Variants in TOP1MT observed in about 807,000 individuals in gnomAD.
TOP1MT encodes DNA topoisomerase I, mitochondrial.
In TOP1MT, 80 loss-of-function variants were observed where a neutral mutation model predicts 73.9. That is an observed-to-expected ratio of 1.08 (90% CI 0.90 to 1.30). The LOEUF is 1.30. Ranked by LOEUF, TOP1MT falls within the 50% of genes most tolerant of loss-of-function variation. TOP1MT has a pLI of 0.00. For missense variants in TOP1MT, 815 were observed against 808.0 expected, an observed-to-expected ratio of 1.01 and a Z score of -0.10; for synonymous variants, 338 against 326.4, an observed-to-expected ratio of 1.04 and a Z score of -0.38.
intron 1 of TOP1MT, 119 bp downstream of exon 1, chr8:143,334,618 CCGA>C: frequency 1.4e-6 from 2 of 1,432,286 alleles, no homozygotes; most frequent in East Asian, 5.5e-5. Flanking sequence ...CTCTCCTGGC[CCGA>C]CTTTTGGGAA....
At chr8:143,359,132 G>C, upstream of TOP1MT, 5 of 780,418 alleles carry the variant, frequency 6.4e-6, no homozygotes, top group Non-Finnish European at 7.8e-6. Context: ...GTGAGCCACC[G>C]CACCGGCCCT....
At chr8:143,335,864 A>C (rs1816973707), upstream of TOP1MT, among the ~76,000 whole-genome samples, 1 of 152,226 alleles carries the variant, frequency 6.6e-6, no homozygotes, top group Admixed American at 6.5e-5. Flanking sequence ...TAGCTGCTGG[A>C]AGCCATGGGC....
intron 3 of TOP1MT, 134 bp from the exon 4 acceptor site, chr8:143,326,478 C>T (rs991177387): frequency 1.8e-5 from 21 of 1,189,766 alleles, no homozygotes; most frequent in Admixed American, 1.4e-4. Flanking sequence ...GCAGAACCTG[C>T]GCACGGTCCT....
At chr8:143,351,579 CAA>C (rs35498119) in intron 1 of TOP1MT, among the ~76,000 whole-genome samples, 10 of 91,476 alleles carry the variant, frequency 1.1e-4, no homozygotes, top group African/African-American at 1.3e-4. Flanking sequence ...GACCCAGTCT[CAA>C]AAAAAAAAAA....
At chr8:143,332,670 G>T in intron 1 of TOP1MT, 1 of 844,436 alleles carries the variant, frequency 1.2e-6, no homozygotes, top group Non-Finnish European at 1.7e-6. Context: ...GCAGAGGAGG[G>T]AATGGGCAAG....
chr8:143,342,741 CGCTCTGTT>C (rs1817144627), intron 2 of TOP1MT, among the ~76,000 whole-genome samples: 1 of 92,154 alleles, frequency 1.1e-5, no homozygotes, highest in Non-Finnish European at 2.5e-5. Flanking sequence ...GACAGAGTCT[CGCTCTGTT>C]ATTATTATTA....
chr8:143,314,040 G>A (rs1199199855), intron 12 of TOP1MT, among the ~76,000 whole-genome samples: 1 of 152,148 alleles, frequency 6.6e-6, no homozygotes, highest in Non-Finnish European at 1.5e-5. Context: ...CCCACGGCCA[G>A]ACGCTCCTTC....
rs187611772 is a variant in TOP1MT, at chr8:143,353,825, G to A, written c.-39+2140C>T. 3.8e-3 allele frequency among the ~76,000 whole-genome samples: 569 copies of A among 151,722 alleles called. 1 individual carries two copies. The highest frequency in any genetic ancestry group is 7.7e-3 in the African/African-American group (317 of 41,298). On this transcript the variant is annotated intron_variant, in intron 1 of 5. Coordinates refer to the TOP1MT transcript ENST00000518760. The stretch of plus-strand genomic sequence containing the variant: ...CTAAAAATACAAAAATTAGCCAGGC[G>A]TGGTGGCGGGTGCCTGTAATCCCAG...
At chr8:143,312,049 C>A (rs985394739) in intron 12 of TOP1MT, among the ~76,000 whole-genome samples, 27 of 152,264 alleles carry the variant, frequency 1.8e-4, no homozygotes, top group African/African-American at 5.8e-4. Flanking sequence ...CTGACCCTAG[C>A]CAGGCAGTGC....
intron 10 of TOP1MT, 50 bp downstream of exon 10, chr8:143,317,673 G>T: frequency 6.9e-7 from 1 of 1,446,938 alleles, no homozygotes; most frequent in Non-Finnish European, 9.3e-7. Flanking sequence ...CCGGTCTGGG[G>T]CAGGGGCCGT....
chr8:143,346,066 C>T (rs138501085), upstream of TOP1MT, among the ~76,000 whole-genome samples: 16 of 152,334 alleles, frequency 1.1e-4, no homozygotes, highest in African/African-American at 3.1e-4. Context: ...TCAACGAGTA[C>T]AGTTTATCAC....
At chr8:143,324,403 G>A (rs1247329148) in intron 6 of TOP1MT, 82 bp downstream of exon 6, 6 of 1,593,050 alleles carry the variant, frequency 3.8e-6, no homozygotes, top group Non-Finnish European at 5.1e-6. Context: ...GCCTCTGCCG[G>A]TGCCCGGCTT....
intron 8 of TOP1MT, 23 bp downstream of exon 8, chr8:143,321,178 G>C (rs749224665): frequency 2.2e-5 from 34 of 1,555,534 alleles, no homozygotes; most frequent in Non-Finnish European, 2.9e-5. Context: ...CATAGCGGGG[G>C]CAGCTGGCGC....
chr8:143,315,592 G>C, intron 12 of TOP1MT, 135 bp downstream of exon 12: 1 of 659,406 alleles, frequency 1.5e-6, no homozygotes. Flanking sequence ...TCTTTGTCTT[G>C]TGTCTTTATT....
rs923910149 is a variant in TOP1MT at position 143,341,132 on chromosome 8, C to T, written c.29+2088G>A. Among the ~76,000 whole-genome samples the T allele has an allele frequency of 4.6e-5, 7 of 152,336 alleles. No homozygotes were observed. The highest frequency in any genetic ancestry group is 8.8e-5 in the Non-Finnish European group (6 of 68,024). ...GTCTCAGGCTTGCCCCTAGCGTCCC[C>T]GCCACCCTCTTCTCGTGCTGCCGCC... On this transcript the variant is annotated intron_variant, in intron 2 of 5. Coordinates refer to the TOP1MT transcript ENST00000518007. The surrounding 1 kb of genome is among the most constrained non-coding windows in gnomAD (Gnocchi z 4.1).
At chr8:143,322,496 C>CCA in intron 7 of TOP1MT, among the ~76,000 whole-genome samples, 1 of 128,426 alleles carries the variant, frequency 7.8e-6, no homozygotes, top group Non-Finnish European at 1.6e-5. Flanking sequence ...CACACGCACG[C>CCA]CACACACACA....
intron 6 of TOP1MT, 137 bp downstream of exon 6, chr8:143,324,348 G>T: frequency 7.1e-7 from 1 of 1,402,326 alleles, no homozygotes; most frequent in Non-Finnish European, 9.7e-7. Context: ...TGCTGGCACA[G>T]CATGACCTCA....
chr8:143,334,713 C>A, intron 1 of TOP1MT, 27 bp downstream of exon 1: 1 of 1,597,668 alleles, frequency 6.3e-7, no homozygotes. Flanking sequence ...TCAGGGCCCT[C>A]GCCGCCTGCT....
intron 8 of TOP1MT, among the ~76,000 whole-genome samples, chr8:143,320,456 C>T (rs1209597485): frequency 6.6e-6 from 1 of 152,146 alleles, no homozygotes; most frequent in Non-Finnish European, 1.5e-5. Context: ...ATTTCAGAGA[C>T]AGGGTCTCAT....
Sources: allele counts gnomAD v4.1 joint callset (sites outside exome capture counted in the v4.1 genomes callset), GRCh38; gene constraint gnomAD v4.1.1; non-coding constraint Gnocchi (gnomAD v3.1); transcripts MANE v1.5; gene names NCBI Gene and HGNC (gene_info 2026-07-23, HGNC 2026-07-21).